PTPRR: variants seen among roughly 807,000 people sequenced by gnomAD.
The protein encoded by PTPRR is protein tyrosine phosphatase receptor type R, also known as receptor-type tyrosine-protein phosphatase R.
PTPRR carries 38 observed loss-of-function variants against 77.2 expected under a neutral mutation model. The observed-to-expected ratio is 0.49, with a 90% CI of 0.38 to 0.65. The LOEUF (loss-of-function observed/expected upper bound fraction) is 0.65, where lower values mean the gene tolerates loss of function less well. Among genes scored for constraint, PTPRR ranks in the 30% least tolerant of loss-of-function variants. PTPRR has a pLI of 0.00. For missense variants in PTPRR, 744 were observed against 799.2 expected (o/e 0.93, Z 0.83); for synonymous variants, 299 against 283.1 (o/e 1.06, Z -0.57).
Position 70,661,062 on chromosome 12 carries a change from C to T in PTPRR, c.1644G>A (p.Trp548Ter). 6.2e-7 allele frequency: 1 copy of T among 1,612,722 alleles called. No individual in the cohort carries two copies. The highest frequency in any genetic ancestry group is 8.5e-7 in the Non-Finnish European group (1 of 1,179,344). ...GSHTQHVKHY[W>*]YTSWPDHKTP... Reference sequence around the variant, plus strand: ...TCTTGTGATCAGGCCATGAGGTGTACCAGTAATGCTTCACATGTTGGGTGT... The same window carrying T: ...TCTTGTGATCAGGCCATGAGGTGTATCAGTAATGCTTCACATGTTGGGTGT... Residue 548 changes from tryptophan to a stop codon, truncating the protein, a stop_gained, in exon 12 of 14, where the codon TGG becomes TGA. Coordinates refer to ENST00000283228, the MANE Select transcript of PTPRR (RefSeq NM_002849.4). LOFTEE classifies it high-confidence loss of function.
intron 13 of PTPRR, among the ~76,000 whole-genome samples, chr12:70,651,860 T>C (rs973685484): frequency 1.3e-5 from 2 of 152,002 alleles, no homozygotes; most frequent in Admixed American, 1.3e-4. Context: ...TACTTGACTT[T>C]GGACAAGTTA....
chr12:70,652,501 A>G (rs1886433158), intron 13 of PTPRR, among the ~76,000 whole-genome samples: 1 of 152,224 alleles, frequency 6.6e-6, no homozygotes, highest in Non-Finnish European at 1.5e-5. Context: ...TTCATAAACA[A>G]CAGAAACAGC....
At chr12:70,855,222 A>G (rs1892632435) in intron 2 of PTPRR, among the ~76,000 whole-genome samples, 1 of 152,192 alleles carries the variant, frequency 6.6e-6, no homozygotes. Context: ...TTGTTTTTTA[A>G]GAAAATTACT....
intron 6 of PTPRR, among the ~76,000 whole-genome samples, chr12:70,733,481 A>AAAAAAAAAAAAAAAAAAAAAAAATAT (rs1565672469): frequency 1.2e-5 from 1 of 80,828 alleles, no homozygotes; most frequent in Non-Finnish European, 2.3e-5. Context: ...AAAAAAAAAA[A>AAAAAAAAAAAAAAAAAAAAAAAATAT]GAAAAAAAAA....
At chr12:70,769,730 G>A (rs974246382) in intron 2 of PTPRR, among the ~76,000 whole-genome samples, 4 of 151,894 alleles carry the variant, frequency 2.6e-5, no homozygotes, top group African/African-American at 4.9e-5. Flanking sequence ...GAACAAAGCT[G>A]GAGGCATCAT....
intron 2 of PTPRR, among the ~76,000 whole-genome samples, chr12:70,772,473 C>A (rs1891000132): frequency 6.6e-6 from 1 of 151,964 alleles, no homozygotes; most frequent in East Asian, 1.9e-4. Flanking sequence ...CTATTTTGTA[C>A]CTGCAAGTAG....
intron 1 of PTPRR, among the ~76,000 whole-genome samples, chr12:70,906,545 AACCCC>A (rs1415152282): frequency 1.3e-5 from 2 of 152,052 alleles, no homozygotes; most frequent in Non-Finnish European, 2.9e-5. Context: ...AATAACACTA[AACCCC>A]ACTGATAAAC....
At chr12:70,696,176 C>T (rs1888226229) in intron 8 of PTPRR, among the ~76,000 whole-genome samples, 1 of 141,530 alleles carries the variant, frequency 7.1e-6, no homozygotes, top group Non-Finnish European at 1.6e-5. Context: ...ACTTCCTCTC[C>T]ATTTTTTTTT....
At chr12:70,823,135 A>ACC (rs1892050792) in intron 2 of PTPRR, among the ~76,000 whole-genome samples, 1 of 151,410 alleles carries the variant, frequency 6.6e-6, no homozygotes, top group Non-Finnish European at 1.5e-5. Context: ...ACACACACAC[A>ACC]CACACACACA....
At chr12:70,702,106 G>C (rs1480912022) in intron 6 of PTPRR, among the ~76,000 whole-genome samples, 1 of 152,008 alleles carries the variant, frequency 6.6e-6, no homozygotes. Context: ...ACTTATAAGG[G>C]GCCATAGAAA....
chr12:70,757,271 C>T lies in PTPRR; in HGVS notation c.628-2970G>A, dbSNP rs142750852. Among the ~76,000 whole-genome samples, 13 of 152,274 alleles carry T rather than the reference C, an allele frequency of 8.5e-5. No individual in the cohort carries two copies. In the East Asian group the frequency reaches 2.5e-3, roughly 29 times the overall value. ...TTGGACTTTTATTTAAAGAAGGTCA[C>T]TTTCTCCTTTGAAATATAAGATTTG... is the stretch of plus-strand genomic sequence containing the variant. On this transcript the variant is annotated intron_variant, in intron 4 of 13. Transcript: ENST00000283228.
chr12:70,808,136 G>C (rs536680574), intron 2 of PTPRR, among the ~76,000 whole-genome samples: 1 of 152,078 alleles, frequency 6.6e-6, no homozygotes, highest in Non-Finnish European at 1.5e-5. Flanking sequence ...TGCAGATGTA[G>C]ATAGGGATGA....
At chr12:70,795,164 A>G (rs1267613731) in intron 2 of PTPRR, among the ~76,000 whole-genome samples, 1 of 152,098 alleles carries the variant, frequency 6.6e-6, no homozygotes, top group African/African-American at 2.4e-5. Context: ...GTCATTTTTC[A>G]CCTGGCTTAC....
intron 8 of PTPRR, among the ~76,000 whole-genome samples, chr12:70,689,127 T>C (rs61576069): frequency 0.033 from 5,053 of 152,150 alleles, 157 homozygotes; most frequent in African/African-American, 0.071. Flanking sequence ...TGGTGACTAT[T>C]GTTTAATAAT....
chr12:70,784,427 C>T (rs1362467800), intron 2 of PTPRR, among the ~76,000 whole-genome samples: 2 of 152,216 alleles, frequency 1.3e-5, no homozygotes, highest in Non-Finnish European at 2.9e-5. Context: ...TCGATGCTGC[C>T]GAGAGCTCTC....
At chr12:70,784,860 A>C (rs912310485) in intron 2 of PTPRR, among the ~76,000 whole-genome samples, 2 of 152,214 alleles carry the variant, frequency 1.3e-5, no homozygotes, top group East Asian at 3.9e-4. Context: ...ATCAACATTA[A>C]AAAGTGGCCT....
rs567521566 is a variant in PTPRR, at chr12:70,768,916, T to G, written c.358-4138A>C. 3.7e-3 allele frequency among the ~76,000 whole-genome samples: 558 copies of G among 151,670 alleles called. 6 individuals carry two copies. The highest frequency in any genetic ancestry group is 0.034 in the South Asian group (163 of 4,792). On this transcript the variant is annotated intron_variant, in intron 2 of 13. Coordinates refer to ENST00000283228, the MANE Select transcript of PTPRR (RefSeq NM_002849.4). The stretch of plus-strand genomic sequence containing the variant: ...AGAGCCAAAGACAAAAACCACATGA[T>G]TATCTCAACAGATGCAGAAAAAGCC...
chr12:70,660,178 TAATAAATA>T (rs57676991), intron 12 of PTPRR, among the ~76,000 whole-genome samples: 71 of 141,048 alleles, frequency 5.0e-4, no homozygotes, highest in East Asian at 3.7e-3. Context: ...CTCTGTCTCA[TAATAAATA>T]AATAAATAAA....
chr12:70,700,612 T>C (rs1354415319), intron 7 of PTPRR, among the ~76,000 whole-genome samples: 1 of 152,186 alleles, frequency 6.6e-6, no homozygotes, highest in African/African-American at 2.4e-5. Context: ...CCTTCTACTA[T>C]ATTAGTTTAG....
Sources: allele counts gnomAD v4.1 joint callset (sites outside exome capture counted in the v4.1 genomes callset), GRCh38; gene constraint gnomAD v4.1.1; transcripts MANE v1.5; gene names NCBI Gene and HGNC (gene_info 2026-07-23, HGNC 2026-07-21).